Variants in ERBB4 observed in about 807,000 individuals in gnomAD.
ERBB4 encodes receptor tyrosine-protein kinase erbB-4.
Under a neutral mutation model 158.0 loss-of-function variants are expected in ERBB4, and 42 were observed. The observed-to-expected ratio is 0.27, with a 90% CI of 0.21 to 0.34. The LOEUF is 0.34. Ranked by LOEUF, ERBB4 falls within the 10% of genes least tolerant of loss-of-function variation. The pLI is 1.00. For missense variants in ERBB4, 1,333 were observed against 1,624.1 expected, an observed-to-expected ratio of 0.82 and a Z score of 3.08; for synonymous variants, 583 against 558.7, an observed-to-expected ratio of 1.04 and a Z score of -0.61.
rs2106366406 is a variant in ERBB4 at position 212,538,514 on chromosome 2, C to T, written c.17G>A (p.Gly6Glu). 1.2e-6 allele frequency: 2 copies of T among 1,614,112 alleles called. No individual in the cohort carries two copies. Among genetic ancestry groups the T allele is most frequent in the Non-Finnish European group, 1.7e-6 (2 of 1,179,950 alleles). MKPAT[G>E]LWVWVSLLVA... ...GAGAAGGCTCACCCAGACCCAAAGT[C>T]CTGTCGCCGGCTTCATTTTTTGGAA... The change falls in exon 1 of 28, where the codon GGA becomes GAA. Residue 6 changes from glycine to glutamate, a missense_variant. Transcript: ENST00000342788.
At chr2:212,424,332 C>G (rs1295418689) in intron 1 of ERBB4, among the ~76,000 whole-genome samples, 1 of 152,038 alleles carries the variant, frequency 6.6e-6, no homozygotes, top group Non-Finnish European at 1.5e-5. Context: ...GTAGGACTTT[C>G]CCTGCCACTA....
chr2:212,386,716 T>C (rs143731274), intron 1 of ERBB4, among the ~76,000 whole-genome samples: 2,408 of 152,140 alleles, frequency 0.016, 27 homozygotes, highest in South Asian at 0.066. Flanking sequence ...CATGCAACAC[T>C]ACTTCCTCTA....
chr2:212,055,239 G>A (rs1371119744), intron 2 of ERBB4, among the ~76,000 whole-genome samples: 3 of 152,236 alleles, frequency 2.0e-5, no homozygotes, highest in East Asian at 1.9e-4. Flanking sequence ...AGGCAGCAGT[G>A]AGTCTGGGGA....
rs188212911 is a variant in ERBB4, at chr2:212,054,005, G to A, written c.234+70747C>T. ...ATGGCAGCTGAGAGAGAACAGAAGAGGGGAGAAAATCAGGATTTTGAGGCC... is the reference window on the plus strand; with the variant it reads ...ATGGCAGCTGAGAGAGAACAGAAGAAGGGAGAAAATCAGGATTTTGAGGCC... On this transcript the variant is annotated intron_variant, in intron 2 of 27. Transcript: ENST00000342788. Among the ~76,000 whole-genome samples the A allele has an allele frequency of 8.3e-4, 127 of 152,256 alleles. No homozygotes were observed. In the Middle Eastern group the frequency reaches 0.014, roughly 16 times the overall value.
intron 2 of ERBB4, among the ~76,000 whole-genome samples, chr2:211,964,795 T>A (rs558426720): frequency 6.6e-6 from 1 of 152,202 alleles, no homozygotes; most frequent in Non-Finnish European, 1.5e-5. Flanking sequence ...CAGGACATTT[T>A]TCTACTACTC....
chr2:211,593,216 T>C (rs1216941589), intron 19 of ERBB4, among the ~76,000 whole-genome samples: 1 of 152,102 alleles, frequency 6.6e-6, no homozygotes, highest in African/African-American at 2.4e-5. Flanking sequence ...GAAAGTAAAG[T>C]AGGCTATAGC....
chr2:211,641,756 G>C (rs923665785), intron 16 of ERBB4, among the ~76,000 whole-genome samples: 1 of 152,008 alleles, frequency 6.6e-6, no homozygotes, highest in African/African-American at 2.4e-5. Context: ...CTCTGTGACT[G>C]ACCTCAATTC....
intron 3 of ERBB4, among the ~76,000 whole-genome samples, chr2:211,879,195 A>T (rs1035977619): frequency 1.3e-5 from 2 of 148,230 alleles, no homozygotes; most frequent in African/African-American, 5.0e-5. Context: ...ATGTCTGCAT[A>T]AAAAAAAAAG....
intron 3 of ERBB4, among the ~76,000 whole-genome samples, chr2:211,869,949 G>C (rs569971557): frequency 1.1e-4 from 17 of 152,166 alleles, no homozygotes; most frequent in African/African-American, 3.9e-4. Flanking sequence ...TAATTACCTT[G>C]AGAGCTGCTA....
intron 1 of ERBB4, among the ~76,000 whole-genome samples, chr2:212,197,064 A>T (rs2082448406): frequency 6.6e-6 from 1 of 152,048 alleles, no homozygotes; most frequent in Admixed American, 6.6e-5. Context: ...CTGCTGACCA[A>T]CTCCTTTATA....
intron 20 of ERBB4, among the ~76,000 whole-genome samples, chr2:211,513,375 AAC>A (rs869154566): frequency 0.089 from 6,391 of 71,872 alleles, 705 homozygotes; most frequent in South Asian, 0.24. Flanking sequence ...AAAAAAAAAA[AAC>A]AAAAAAAAAA....
chr2:212,116,296 T>A (rs2079569791), intron 2 of ERBB4, among the ~76,000 whole-genome samples: 1 of 152,084 alleles, frequency 6.6e-6, no homozygotes, highest in South Asian at 2.1e-4. Context: ...TAAATACTAG[T>A]CTATTTTTTA....
chr2:212,411,181 A>C (rs2091487587), intron 1 of ERBB4, among the ~76,000 whole-genome samples: 1 of 152,138 alleles, frequency 6.6e-6, no homozygotes, highest in African/African-American at 2.4e-5. Context: ...AAATAAATTA[A>C]TTGATCAGAT....
chr2:211,580,839 ATATATT>A (rs2068064073), intron 19 of ERBB4, among the ~76,000 whole-genome samples: 3 of 13,498 alleles, frequency 2.2e-4, no homozygotes, highest in Non-Finnish European at 1.1e-3. Flanking sequence ...TATATAGATT[ATATATT>A]ATATATATAG....
chr2:212,142,198 T>C (rs1360868985), intron 1 of ERBB4, among the ~76,000 whole-genome samples: 1 of 152,180 alleles, frequency 6.6e-6, no homozygotes. Flanking sequence ...CAAAACATTA[T>C]ATTTTTTATC....
intron 2 of ERBB4, among the ~76,000 whole-genome samples, chr2:212,076,204 T>A (rs180929044): frequency 2.0e-5 from 3 of 151,960 alleles, no homozygotes; most frequent in Admixed American, 1.3e-4. Flanking sequence ...ATAGTTCACA[T>A]TTGGAATTAA....
intron 13 of ERBB4, among the ~76,000 whole-genome samples, chr2:211,675,130 C>T (rs1446748982): frequency 6.6e-6 from 1 of 152,078 alleles, no homozygotes; most frequent in Non-Finnish European, 1.5e-5. Context: ...TCTAGTGATT[C>T]TATTGTGACT....
At chr2:211,776,329 C>T (rs1218383371) in intron 4 of ERBB4, among the ~76,000 whole-genome samples, 1 of 152,078 alleles carries the variant, frequency 6.6e-6, no homozygotes, top group Non-Finnish European at 1.5e-5. Context: ...GTTAACCAAC[C>T]CTAAATATTA....
At chr2:211,914,031 C>G (rs1007186016) in intron 3 of ERBB4, among the ~76,000 whole-genome samples, 10 of 99,528 alleles carry the variant, frequency 1.0e-4, no homozygotes, top group African/African-American at 3.5e-4. Flanking sequence ...CTGAATGACA[C>G]AAAAGGTCTT....
Sources: allele counts gnomAD v4.1 joint callset (sites outside exome capture counted in the v4.1 genomes callset), GRCh38; gene constraint gnomAD v4.1.1; transcripts MANE v1.5; gene names NCBI Gene and HGNC (gene_info 2026-07-23, HGNC 2026-07-21).